SDC3: variants seen among roughly 807,000 people sequenced by gnomAD.
SDC3 encodes syndecan-3.
SDC3 carries 13 observed loss-of-function variants against 24.4 expected under a neutral mutation model. The observed-to-expected ratio is 0.53, with a 90% CI of 0.35 to 0.85. The LOEUF (loss-of-function observed/expected upper bound fraction) is 0.85. Among genes scored for constraint, SDC3 ranks in the 40% least tolerant of loss-of-function variants. SDC3 has a pLI of 0.01. For missense variants in SDC3, 571 were observed against 584.5 expected (o/e 0.98, Z 0.24); for synonymous variants, 295 against 260.9 (o/e 1.13, Z -1.26).
intron 1 of SDC3, among the ~76,000 whole-genome samples, chr1:30,899,866 GC>G (rs141411726): frequency 0.017 from 2,574 of 152,254 alleles, 55 homozygotes; most frequent in East Asian, 0.049. Flanking sequence ...AACACTGACA[GC>G]CCCCTTGCAC....
chr1:30,898,937 C>T (rs1638344558), intron 1 of SDC3, among the ~76,000 whole-genome samples: 1 of 152,210 alleles, frequency 6.6e-6, no homozygotes, highest in African/African-American at 2.4e-5. Context: ...AATTAAAAGT[C>T]ATCACCCAGC....
In SDC3 at chr1:30,869,602, A is replaced by G; in HGVS notation, c.*3609T>C. The G allele has an allele frequency of 2.5e-6, 1 of 397,254 alleles. No homozygotes were observed. The highest frequency in any genetic ancestry group is 4.4e-6 in the Non-Finnish European group (1 of 225,664). The allele number at this position is 397,254 out of a possible 1,614,324, so 24.6% of individuals were successfully genotyped here. ...TTCCTTCACAAGGCTGGAACAGGAG[A>G]GTACCCGCAGTGGGGCAGGCGCCTT... On this transcript the variant is annotated 3_prime_UTR_variant, in exon 5 of 5. Coordinates refer to ENST00000339394, the MANE Select transcript of SDC3 (RefSeq NM_014654.4).
At chr1:30,887,525 C>T (rs147985347) in intron 1 of SDC3, among the ~76,000 whole-genome samples, 61 of 152,320 alleles carry the variant, frequency 4.0e-4, no homozygotes, top group African/African-American at 1.3e-3. Context: ...GCTCACCTCC[C>T]TGAACCACCA....
chr1:30,894,135 G>A (rs1328883746), intron 1 of SDC3, among the ~76,000 whole-genome samples: 1 of 151,760 alleles, frequency 6.6e-6, no homozygotes, highest in African/African-American at 2.4e-5. Flanking sequence ...GTGTGTGTGA[G>A]AGAGAGTGTG....
At chr1:30,905,062 G>A (rs1341487016) in intron 1 of SDC3, among the ~76,000 whole-genome samples, 1 of 152,120 alleles carries the variant, frequency 6.6e-6, no homozygotes, top group Non-Finnish European at 1.5e-5. Context: ...GTGTCCCTGT[G>A]CCTGTCCCCC....
intron 1 of SDC3, among the ~76,000 whole-genome samples, chr1:30,888,786 A>T (rs923988573): frequency 2.0e-5 from 3 of 152,136 alleles, no homozygotes; most frequent in African/African-American, 7.2e-5. Flanking sequence ...TCTTCTAGGG[A>T]CAGAACAAGC....
At chr1:30,901,028 C>T (rs565681743) in intron 1 of SDC3, among the ~76,000 whole-genome samples, 9 of 152,266 alleles carry the variant, frequency 5.9e-5, no homozygotes, top group East Asian at 1.9e-4. Flanking sequence ...GGGGATGTGA[C>T]GACAAGATCA....
chr1:30,882,250 C>T (rs1639755585), intron 1 of SDC3, among the ~76,000 whole-genome samples: 2 of 152,236 alleles, frequency 1.3e-5, no homozygotes, highest in Admixed American at 6.5e-5. Context: ...CGGGTACACA[C>T]AAGTGCACAC....
intron 1 of SDC3, among the ~76,000 whole-genome samples, chr1:30,882,245 A>G (rs1056516638): frequency 6.6e-6 from 1 of 152,192 alleles, no homozygotes; most frequent in South Asian, 2.1e-4. Flanking sequence ...CCTTCCGGGT[A>G]CACACAAGTG....
rs1333593629 is a variant in SDC3, at chr1:30,872,310, G to A, written c.*901C>T. 6.6e-6 allele frequency: 1 copy of A among 152,394 alleles called. No individual in the cohort carries two copies. The highest frequency in any genetic ancestry group is 1.5e-5 in the Non-Finnish European group (1 of 68,098). The allele number at this position is 152,394 out of a possible 1,614,324, so 9.4% of individuals were successfully genotyped here. On this transcript the variant is annotated 3_prime_UTR_variant, in exon 5 of 5. Coordinates refer to ENST00000339394, the MANE Select transcript of SDC3 (RefSeq NM_014654.4). ...TGTCACTGTCATGTGACCATGACTA[G>A]TGACTTGCATTGCAGTACGTGTCTG...
At chr1:30,880,790 G>A (rs1570000624) in intron 1 of SDC3, 1 of 152,016 alleles carries the variant, frequency 6.6e-6, no homozygotes, top group African/African-American at 2.4e-5. Context: ...AGAAGTCACA[G>A]AATGCCTGAG....
At chr1:30,881,151 C>T (rs1639737768) in intron 1 of SDC3, among the ~76,000 whole-genome samples, 1 of 151,850 alleles carries the variant, frequency 6.6e-6, no homozygotes, top group African/African-American at 2.4e-5. Context: ...TTTGCCCACA[C>T]CAATCTGTAT....
chr1:30,894,665 T>A (rs7367351), intron 1 of SDC3, among the ~76,000 whole-genome samples: 5 of 53,400 alleles, frequency 9.4e-5, no homozygotes, highest in East Asian at 7.6e-4. Context: ...TGTGGGTGAG[T>A]GTGTGTGGAT....
At position 30,876,800 on chromosome 1, in the gene SDC3, C is replaced by A. The variant is rs2491132; in HGVS notation, c.622G>T (p.Val208Leu). The A allele has an allele frequency of 5.6e-6, 9 of 1,601,330 alleles. No individual in the cohort carries two copies. The highest frequency in any genetic ancestry group is 1.7e-5 in the Admixed American group (1 of 58,608). Residue 208 changes from valine (V) to leucine (L), a missense_variant, in exon 3 of 5, where the codon GTA (valine) becomes TTA (leucine). This residue lies in a region of SDC3 where 497 missense variants were observed against 471.6 expected (regional missense o/e 1.05). Transcript: ENST00000339394. ...AGTGGGAGAGGCAGAAGCCTCCGTA[C>A]GCCAGTGGTCCTTATAACAGCAGTG... ...ATTAVIRTTG[V>L]RRLLPLPLTT...
Position 30,908,466 on chromosome 1 carries a change from CCAGCAGCAG to C in SDC3, c.112_120del (p.Leu38_Leu40del). On this transcript the variant is annotated inframe_deletion, in exon 1 of 5. Coordinates refer to ENST00000339394, the MANE Select transcript of SDC3 (RefSeq NM_014654.4). ...TCACTCACCCCCGCGGCGCGCCCCG[CCAGCAGCAG>C]CAGCAGCAGCGGTGGCAGGAGCAGC... 9.7e-7 allele frequency: 1 copy of C among 1,033,632 alleles called. No homozygotes were observed. Among genetic ancestry groups the C allele is most frequent in the Non-Finnish European group, 1.2e-6 (1 of 857,940 alleles). The allele number at this position is 1,033,632 out of a possible 1,614,324, so 64.0% of individuals were successfully genotyped here. A position where few individuals can be genotyped will look rare whatever the true frequency, so the allele number is the denominator to read the frequency against.
intron 1 of SDC3, among the ~76,000 whole-genome samples, chr1:30,892,182 C>T (rs953497929): frequency 2.6e-5 from 4 of 152,092 alleles, no homozygotes; most frequent in African/African-American, 9.7e-5. Flanking sequence ...TGGCCCCTAT[C>T]CCTGCAGCCC....
chr1:30,895,476 G>A (rs1570022314), intron 1 of SDC3, among the ~76,000 whole-genome samples: 1 of 152,282 alleles, frequency 6.6e-6, no homozygotes, highest in East Asian at 1.9e-4. Flanking sequence ...CTTCAGCCCC[G>A]GGGAAGCTGT....
chr1:30,889,365 G>A (rs1336891184), intron 1 of SDC3, among the ~76,000 whole-genome samples: 1 of 152,116 alleles, frequency 6.6e-6, no homozygotes, highest in Non-Finnish European at 1.5e-5. Flanking sequence ...AGGGTCATAA[G>A]GACTGAAGCA....
intron 1 of SDC3, among the ~76,000 whole-genome samples, chr1:30,903,103 C>A (rs1638446519): frequency 6.6e-6 from 1 of 152,184 alleles, no homozygotes; most frequent in Non-Finnish European, 1.5e-5. Context: ...GGGGGACCCC[C>A]ACCAAGTCAC....
Sources: gnomAD v4.1 joint callset for allele counts (sites outside exome capture counted in the v4.1 genomes callset) on GRCh38, gnomAD v4.1.1 for gene constraint, gnomAD v4.1.1 regional missense constraint, MANE v1.5 for transcripts, NCBI Gene and HGNC (gene_info 2026-07-23, HGNC 2026-07-21) for gene names.